The following GJC1 variants were observed in gnomAD, a reference collection of about 807,000 sequenced individuals.
GJC1 encodes gap junction gamma-1 protein.
In GJC1, 5 loss-of-function variants were observed where a neutral mutation model predicts 29.3. The ratio of observed to expected loss-of-function variants is 0.17; its 90% CI spans 0.09 to 0.36. GJC1 has a LOEUF of 0.36. Among genes scored for constraint, GJC1 ranks in the 10% least tolerant of loss-of-function variants. The probability of loss-of-function intolerance (pLI) is 1.00; values close to 1 mark genes in which losing one functional copy is unlikely to be tolerated. For missense variants in GJC1, 310 were observed against 496.2 expected (o/e 0.62, Z 3.56); for synonymous variants, 177 against 183.3 (o/e 0.97, Z 0.28).
chr17:44,796,609 C>T (rs1347133868), downstream of GJC1, among the ~76,000 whole-genome samples: 2 of 152,146 alleles, frequency 1.3e-5, no homozygotes, highest in African/African-American at 2.4e-5. Context: ...CTATAATGTA[C>T]ATAAGAATCA....
chr17:44,797,215 C>A (rs2145275063), downstream of GJC1, among the ~76,000 whole-genome samples: 1 of 152,278 alleles, frequency 6.6e-6, no homozygotes, highest in East Asian at 1.9e-4. Context: ...ACGCCATTCT[C>A]CTGCCTCAGC....
At chr17:44,811,672 C>T (rs1485914027) in intron 1 of GJC1, among the ~76,000 whole-genome samples, 1 of 152,078 alleles carries the variant, frequency 6.6e-6, no homozygotes, top group African/African-American at 2.4e-5. Context: ...CAAGCATGAG[C>T]CACTATGCCT....
At position 44,803,413 on chromosome 17, in the gene GJC1, T is replaced by C. The variant is rs916501855; in HGVS notation, c.*1214A>G. The C allele has an allele frequency of 6.6e-6, 1 of 152,202 alleles. No homozygotes were observed. Among genetic ancestry groups the C allele is most frequent in the Non-Finnish European group, 1.5e-5 (1 of 68,040 alleles). 9.4% of individuals were successfully genotyped at this position (152,202 alleles called of 1,614,324 possible). A position where few individuals can be genotyped will look rare whatever the true frequency, so the allele number is the denominator to read the frequency against. ...GAATGCTTGTCAGTGACAAACACAT[T>C]ATGCCTACAAAGAATAAATACTGCA... On this transcript the variant is annotated 3_prime_UTR_variant, in exon 3 of 3. Coordinates refer to ENST00000592524, the MANE Select transcript of GJC1 (RefSeq NM_005497.4).
intron 1 of GJC1, among the ~76,000 whole-genome samples, chr17:44,814,968 A>G (rs536077388): frequency 9.9e-5 from 15 of 152,188 alleles, no homozygotes; most frequent in Admixed American, 8.5e-4. Flanking sequence ...ATTTCAGGAC[A>G]TAAGTCTTCT....
chr17:44,806,533 G>C (rs772788893), intron 2 of GJC1, among the ~76,000 whole-genome samples: 2 of 151,318 alleles, frequency 1.3e-5, no homozygotes, highest in African/African-American at 2.4e-5. Flanking sequence ...CCGAGTATCT[G>C]GGATTACAGT....
Position 44,804,203 on chromosome 17 carries a change from T to G in GJC1, c.*424A>C, listed in dbSNP as rs1253887015. The stretch of plus-strand genomic sequence containing the variant: ...AATTTGCTGAACAAAGTAATAGCAC[T>G]AGCCTAATAGGCATTATTTATAAGG... On this transcript the variant is annotated 3_prime_UTR_variant, in exon 3 of 3. Coordinates refer to ENST00000592524, the MANE Select transcript of GJC1 (RefSeq NM_005497.4). 6.3e-6 allele frequency: 1 copy of G among 158,098 alleles called. No homozygotes were observed. Among genetic ancestry groups the G allele is most frequent in the Non-Finnish European group, 1.4e-5 (1 of 72,142 alleles). 9.8% of individuals were successfully genotyped at this position (158,098 alleles called of 1,614,324 possible).
chr17:44,809,413 A>G (rs1256639976), intron 1 of GJC1, among the ~76,000 whole-genome samples: 2 of 152,324 alleles, frequency 1.3e-5, no homozygotes, highest in East Asian at 3.9e-4. Context: ...GGTTTCCAAC[A>G]TAGAACTCCA....
downstream of GJC1, chr17:44,794,489 T>A (rs866682050): frequency 3.3e-5 from 5 of 152,242 alleles, no homozygotes; most frequent in South Asian, 4.1e-4. Context: ...GGATCTAACA[T>A]CAGTCTCTGC....
chr17:44,804,167 A>G lies in GJC1; in HGVS notation c.*460T>C, dbSNP rs1223617777. 6.5e-6 allele frequency: 1 copy of G among 154,420 alleles called. No homozygotes were observed. Among genetic ancestry groups the G allele is most frequent in the Non-Finnish European group, 1.4e-5 (1 of 69,742 alleles). The allele number at this position is 154,420 out of a possible 1,614,324, so 9.6% of individuals were successfully genotyped here. ...GTGTAGCATCTATTAAAAACTCTAA[A>G]GCCAGGGTAGAATTTGCTGAACAAA... On this transcript the variant is annotated 3_prime_UTR_variant, in exon 3 of 3. Coordinates refer to ENST00000592524, the MANE Select transcript of GJC1 (RefSeq NM_005497.4).
At chr17:44,796,721 A>G (rs989288936), downstream of GJC1, among the ~76,000 whole-genome samples, 19 of 150,128 alleles carry the variant, frequency 1.3e-4, no homozygotes, top group Non-Finnish European at 2.8e-4. Context: ...CATGTAAATT[A>G]TATCTTAATA....
At chr17:44,827,728 C>T (rs979135319) in intron 1 of GJC1, among the ~76,000 whole-genome samples, 7 of 151,922 alleles carry the variant, frequency 4.6e-5, no homozygotes, top group Admixed American at 4.6e-4. Flanking sequence ...GTCAGGAGAT[C>T]GGGACCATCA....
At chr17:44,830,395 C>T (rs2050220961), upstream of GJC1, among the ~76,000 whole-genome samples, 1 of 151,746 alleles carries the variant, frequency 6.6e-6, no homozygotes, top group African/African-American at 2.4e-5. The surrounding 1 kb of genome is among the most constrained non-coding windows in gnomAD (Gnocchi z 4.3). Context: ...CCCCAGAACG[C>T]GCGGGAAGCG....
At chr17:44,813,635 G>C (rs968907217) in intron 1 of GJC1, among the ~76,000 whole-genome samples, 3 of 151,708 alleles carry the variant, frequency 2.0e-5, no homozygotes, top group Admixed American at 6.6e-5. Flanking sequence ...TGGGACTACA[G>C]GCACACACCA....
chr17:44,821,697 C>CAAAAAAAAAAAAAAAAAAAAAAAAA (rs61303163), intron 1 of GJC1, among the ~76,000 whole-genome samples: 5 of 58,372 alleles, frequency 8.6e-5, no homozygotes, highest in Admixed American at 2.3e-4. Flanking sequence ...AACTCCGTCT[C>CAAAAAAAAAAAAAAAAAAAAAAAAA]AAAAAAAAAA....
At chr17:44,823,780 T>C (rs1437255384) in intron 1 of GJC1, among the ~76,000 whole-genome samples, 4 of 149,844 alleles carry the variant, frequency 2.7e-5, no homozygotes, top group Non-Finnish European at 6.0e-5. Context: ...GGCACAATCT[T>C]AGCTCACTGC....
Position 44,830,032 on chromosome 17 carries a change from TCCTCAGCCGGCCCTGCGGCCGCC to T in GJC1, c.-97+7_-97+29del, listed in dbSNP as rs1287645455. ...TGGGACCCCGCCCCTGGCCCGCTTC[TCCTCAGCCGGCCCTGCGGCCGCC>T]CCTCACCCGGCGGCGGGTTCCCCCG... On this transcript the variant is annotated splice_region_variant and intron_variant, in intron 1 of 2. Coordinates refer to ENST00000592524, the MANE Select transcript of GJC1 (RefSeq NM_005497.4). The surrounding 1 kb of genome is among the most constrained non-coding windows in gnomAD (Gnocchi z 4.3). 6.6e-6 allele frequency: 1 copy of T among 151,558 alleles called. No individual in the cohort carries two copies. The allele number at this position is 151,558 out of a possible 1,614,324, so 9.4% of individuals were successfully genotyped here. A position where few individuals can be genotyped will look rare whatever the true frequency, so the allele number is the denominator to read the frequency against.
chr17:44,804,413 T>C lies in GJC1; in HGVS notation c.*214A>G, dbSNP rs1337480284. On this transcript the variant is annotated 3_prime_UTR_variant, in exon 3 of 3. Transcript: ENST00000592524. ...AGACACAAATGTAAAGTTCTGCAAC[T>C]GTATTATTGCTAAGAACATGTGCCT... The C allele has an allele frequency of 1.9e-5, 10 of 515,116 alleles. No individual in the cohort carries two copies. The Admixed American group carries it at 3.5e-4, about 18-fold the overall frequency. The allele number at this position is 515,116 out of a possible 1,614,324, so 31.9% of individuals were successfully genotyped here. A position where few individuals can be genotyped will look rare whatever the true frequency, so the allele number is the denominator to read the frequency against.
rs1175956736 is a variant in GJC1, at chr17:44,802,021, TGACA to T, written c.*2602_*2605del. On this transcript the variant is annotated 3_prime_UTR_variant, in exon 3 of 3. Coordinates refer to ENST00000592524, the MANE Select transcript of GJC1 (RefSeq NM_005497.4). ...AAGGCAGTTAGAGCTGGAAAATTCTTGACATAATTACAACTTTAGCAAGAGAATA... is the reference window on the plus strand; with the variant it reads ...AAGGCAGTTAGAGCTGGAAAATTCTTTAATTACAACTTTAGCAAGAGAATA... 1.3e-5 allele frequency: 2 copies of T among 152,216 alleles called. No individual in the cohort carries two copies. The highest frequency in any genetic ancestry group is 2.9e-5 in the Non-Finnish European group (2 of 68,042). The allele number at this position is 152,216 out of a possible 1,614,324, so 9.4% of individuals were successfully genotyped here.
chr17:44,811,958 G>A (rs780466789), intron 1 of GJC1, among the ~76,000 whole-genome samples: 6 of 151,166 alleles, frequency 4.0e-5, no homozygotes, highest in South Asian at 2.1e-4. Context: ...AGCCGAGATC[G>A]TCCCATTGCA....
Sources: gnomAD v4.1 joint callset for allele counts (sites outside exome capture counted in the v4.1 genomes callset) on GRCh38, gnomAD v4.1.1 for gene constraint, Gnocchi (gnomAD v3.1) non-coding constraint, MANE v1.5 for transcripts, NCBI Gene and HGNC (gene_info 2026-07-23, HGNC 2026-07-21) for gene names.